The following VWC2 variants were observed in gnomAD, a reference collection of about 807,000 sequenced individuals.
The protein encoded by VWC2 is brorin.
Under a neutral mutation model 29.8 loss-of-function variants are expected in VWC2, and 14 were observed. That is an observed-to-expected ratio of 0.47 (90% CI 0.31 to 0.74). The LOEUF (loss-of-function observed/expected upper bound fraction) is 0.74. Among genes scored for constraint, VWC2 ranks in the 30% least tolerant of loss-of-function variants. The pLI is 0.05. For synonymous variants in VWC2, 213 were observed against 199.0 expected (o/e 1.07, Z -0.59); for missense variants, 457 against 459.8 (o/e 0.99, Z 0.05).
At position 49,920,539 on chromosome 7, in the gene VWC2, G is replaced by A. The variant is rs775078688; in HGVS notation, c.*8354G>A. On this transcript the variant is annotated 3_prime_UTR_variant, in exon 4 of 4. Coordinates refer to ENST00000340652, the MANE Select transcript of VWC2 (RefSeq NM_198570.5). The stretch of plus-strand genomic sequence containing the variant: ...CCTTTTAAGTCAGACTTAAGTCCAC[G>A]GAAAGCTGGACCTAAGCAGTGAAGG... The A allele has an allele frequency of 1.1e-4, 16 of 152,184 alleles. No homozygotes were observed. The highest frequency in any genetic ancestry group is 1.6e-4 in the Non-Finnish European group (11 of 68,022). The allele number at this position is 152,184 out of a possible 1,614,324, so 9.4% of individuals were successfully genotyped here. A position where few individuals can be genotyped will look rare whatever the true frequency, so the allele number is the denominator to read the frequency against.
chr7:49,822,937 C>T (rs1490830283), intron 3 of VWC2, among the ~76,000 whole-genome samples: 2 of 152,152 alleles, frequency 1.3e-5, no homozygotes, highest in Non-Finnish European at 2.9e-5. Context: ...TTTTAAGCTT[C>T]TGATTAGTAT....
chr7:49,872,266 C>T (rs1791189702), intron 3 of VWC2, among the ~76,000 whole-genome samples: 1 of 152,012 alleles, frequency 6.6e-6, no homozygotes. Context: ...GTTGAAGAGA[C>T]AGTGACTGAG....
At chr7:49,908,716 G>A (rs1205682239) in intron 3 of VWC2, among the ~76,000 whole-genome samples, 1 of 152,112 alleles carries the variant, frequency 6.6e-6, no homozygotes, top group Non-Finnish European at 1.5e-5. Flanking sequence ...ATATGGGCAA[G>A]ATCAGCTGAA....
chr7:49,816,090 ATATT>A (rs1490102836), intron 3 of VWC2, among the ~76,000 whole-genome samples: 1 of 152,138 alleles, frequency 6.6e-6, no homozygotes, highest in Non-Finnish European at 1.5e-5. Context: ...GGAGCGGACC[ATATT>A]TATGCACTAG....
At chr7:49,854,798 C>T (rs1317776686) in intron 3 of VWC2, among the ~76,000 whole-genome samples, 2 of 152,202 alleles carry the variant, frequency 1.3e-5, no homozygotes, top group Non-Finnish European at 2.9e-5. Flanking sequence ...ATGAGCCACA[C>T]ATTTTACTAA....
chr7:49,837,554 G>A (rs1470929328), intron 3 of VWC2, among the ~76,000 whole-genome samples: 1 of 152,172 alleles, frequency 6.6e-6, no homozygotes, highest in Non-Finnish European at 1.5e-5. Context: ...TCTGGACATG[G>A]ACTCAGGACG....
chr7:49,813,178 G>A (rs1426327742), intron 3 of VWC2, among the ~76,000 whole-genome samples: 2 of 152,180 alleles, frequency 1.3e-5, no homozygotes, highest in Non-Finnish European at 2.9e-5. Flanking sequence ...CCAGAAGATG[G>A]GGCTGAAAAC....
In VWC2 at chr7:49,914,069, C is replaced by T. The variant is rs962063077; in HGVS notation, c.*1884C>T. The T allele has an allele frequency of 6.6e-6, 1 of 152,184 alleles. No individual in the cohort carries two copies. Among genetic ancestry groups the T allele is most frequent in the Admixed American group, 6.5e-5 (1 of 15,282 alleles). 9.4% of individuals were successfully genotyped at this position (152,184 alleles called of 1,614,324 possible). Reference sequence around the variant, plus strand: ...AACCTTTGTATTAAAGACTGGTAGACATTGGCCATCCCTCCTTTATTCAAG... The same window carrying T: ...AACCTTTGTATTAAAGACTGGTAGATATTGGCCATCCCTCCTTTATTCAAG... On this transcript the variant is annotated 3_prime_UTR_variant, in exon 4 of 4. Transcript: ENST00000340652.
intron 2 of VWC2, among the ~76,000 whole-genome samples, chr7:49,787,980 G>GT (rs1788338152): frequency 6.6e-6 from 1 of 152,192 alleles, no homozygotes; most frequent in Non-Finnish European, 1.5e-5. Context: ...CCCTTTCTGT[G>GT]TGAGTGAGCA....
intron 3 of VWC2, among the ~76,000 whole-genome samples, chr7:49,863,644 C>T (rs1440139319): frequency 6.6e-6 from 1 of 151,990 alleles, no homozygotes; most frequent in African/African-American, 2.4e-5. Context: ...GTTGCCTAGT[C>T]TAGTCTTTAA....
intron 1 of VWC2, 148 bp from the exon 2 acceptor site, chr7:49,775,185 C>G (rs967040333): frequency 2.9e-5 from 7 of 245,196 alleles, no homozygotes; most frequent in Non-Finnish European, 4.6e-5. Context: ...CTAAGAACCC[C>G]GGCCGTGCAC....
intron 2 of VWC2, among the ~76,000 whole-genome samples, chr7:49,791,496 AT>A (rs1223901937): frequency 6.6e-6 from 1 of 152,158 alleles, no homozygotes; most frequent in African/African-American, 2.4e-5. Context: ...GGCTCCCAAT[AT>A]TTGCTGATGG....
At chr7:49,784,476 G>A (rs1036193472) in intron 2 of VWC2, among the ~76,000 whole-genome samples, 1 of 152,230 alleles carries the variant, frequency 6.6e-6, no homozygotes, top group Non-Finnish European at 1.5e-5. Flanking sequence ...TGGGCCCTTG[G>A]CACTCATGGC....
At chr7:49,807,966 A>T (rs1031067103) in intron 3 of VWC2, among the ~76,000 whole-genome samples, 1 of 152,168 alleles carries the variant, frequency 6.6e-6, no homozygotes, top group African/African-American at 2.4e-5. Flanking sequence ...TTCTGTGTAC[A>T]TCAATTACCA....
intron 3 of VWC2, among the ~76,000 whole-genome samples, chr7:49,846,448 T>G (rs1789949267): frequency 6.6e-6 from 1 of 152,130 alleles, no homozygotes. Flanking sequence ...AACATAAAGT[T>G]CTCCCTCACT....
chr7:49,861,993 G>A (rs1790668511), intron 3 of VWC2, among the ~76,000 whole-genome samples: 1 of 152,118 alleles, frequency 6.6e-6, no homozygotes, highest in Admixed American at 6.5e-5. Context: ...TTTTAGGATA[G>A]GCTTTTCCAT....
intron 3 of VWC2, among the ~76,000 whole-genome samples, chr7:49,825,506 C>T (rs575043): frequency 0.013 from 1,945 of 152,244 alleles, 50 homozygotes; most frequent in African/African-American, 0.045. Flanking sequence ...TATTATTTGC[C>T]TAGTTCTTTT....
chr7:49,808,819 T>C (rs1788932696), intron 3 of VWC2, among the ~76,000 whole-genome samples: 1 of 152,012 alleles, frequency 6.6e-6, no homozygotes, highest in Admixed American at 6.6e-5. Context: ...TTTTAGAAAA[T>C]GCTTTGAACT....
intron 2 of VWC2, among the ~76,000 whole-genome samples, chr7:49,788,988 T>A (rs1175236052): frequency 6.9e-6 from 1 of 145,662 alleles, no homozygotes; most frequent in Admixed American, 6.9e-5. Context: ...CATGTGTGTG[T>A]GAGGTGTGGG....
Sources: gnomAD v4.1 joint callset for allele counts (sites outside exome capture counted in the v4.1 genomes callset) on GRCh38, gnomAD v4.1.1 for gene constraint, MANE v1.5 for transcripts, NCBI Gene and HGNC (gene_info 2026-07-23, HGNC 2026-07-21) for gene names.